Variants in LRRC4C observed in about 807,000 individuals in gnomAD.
LRRC4C encodes leucine-rich repeat-containing protein 4C.
LRRC4C carries 5 observed loss-of-function variants against 33.6 expected under a neutral mutation model. The ratio of observed to expected loss-of-function variants is 0.15; its 90% CI spans 0.08 to 0.31. LRRC4C has a LOEUF of 0.31. Ranked by LOEUF, LRRC4C falls within the 10% of genes least tolerant of loss-of-function variation. The pLI is 1.00. For missense variants in LRRC4C, 560 were observed against 796.7 expected (o/e 0.70, Z 3.58); for synonymous variants, 329 against 302.0 (o/e 1.09, Z -0.93).
At chr11:41,316,270 A>AAAAAC (rs1555145053) in intron 1 of LRRC4C, among the ~76,000 whole-genome samples, 3 of 150,144 alleles carry the variant, frequency 2.0e-5, no homozygotes, top group African/African-American at 7.3e-5. Flanking sequence ...GGCAAAAAAA[A>AAAAAC]AAAAAAAAAC....
At chr11:40,366,110 A>G (rs1461587214) in intron 3 of LRRC4C, among the ~76,000 whole-genome samples, 1 of 152,090 alleles carries the variant, frequency 6.6e-6, no homozygotes, top group African/African-American at 2.4e-5. Flanking sequence ...TAAAATGAGG[A>G]GACAAAGTTA....
chr11:40,780,680 A>G (rs1950177320), intron 2 of LRRC4C, among the ~76,000 whole-genome samples: 1 of 152,174 alleles, frequency 6.6e-6, no homozygotes, highest in African/African-American at 2.4e-5. Context: ...TGGCATTTAG[A>G]AAGTATCCTT....
intron 1 of LRRC4C, among the ~76,000 whole-genome samples, chr11:41,077,327 A>T (rs1339586145): frequency 6.6e-6 from 1 of 152,172 alleles, no homozygotes; most frequent in African/African-American, 2.4e-5. Flanking sequence ...GAGGTTTTCC[A>T]TGAAGGCTCT....
At chr11:40,899,576 C>G (rs1258740225) in intron 2 of LRRC4C, among the ~76,000 whole-genome samples, 1 of 152,066 alleles carries the variant, frequency 6.6e-6, no homozygotes, top group Non-Finnish European at 1.5e-5. Context: ...GAGCTTTTCC[C>G]AACATAGATT....
intron 4 of LRRC4C, among the ~76,000 whole-genome samples, chr11:40,281,746 A>T (rs1457997522): frequency 3.3e-5 from 5 of 152,336 alleles, no homozygotes; most frequent in African/African-American, 1.2e-4. Flanking sequence ...TTAAAGCATC[A>T]CAAATAAATC....
rs148484774 is a variant in LRRC4C, at chr11:40,723,811, C to T, written c.-406-75533G>A. Among the ~76,000 whole-genome samples the T allele has an allele frequency of 1.4e-4, 22 of 152,106 alleles. No homozygotes were observed. The East Asian group carries it at 2.7e-3, about 19-fold the overall frequency. ...AAACACCCACTTAACAGACAAAGAACGGCAAATAGTATTAAAAAACAGGAC... is the reference window on the plus strand; with the variant it reads ...AAACACCCACTTAACAGACAAAGAATGGCAAATAGTATTAAAAAACAGGAC... On this transcript the variant is annotated intron_variant, in intron 2 of 6. Transcript: ENST00000528697.
At chr11:40,359,253 C>T (rs1019556579) in intron 3 of LRRC4C, among the ~76,000 whole-genome samples, 3 of 152,174 alleles carry the variant, frequency 2.0e-5, no homozygotes, top group Non-Finnish European at 4.4e-5. Flanking sequence ...ATGAATTAGG[C>T]AAGCCAAACA....
At chr11:41,337,673 TA>T (rs564133585) in intron 1 of LRRC4C, among the ~76,000 whole-genome samples, 5 of 152,104 alleles carry the variant, frequency 3.3e-5, no homozygotes, top group African/African-American at 9.6e-5. Context: ...TAACAGAAGC[TA>T]AAATTAAAAA....
At chr11:40,475,227 T>C (rs922435024) in intron 3 of LRRC4C, among the ~76,000 whole-genome samples, 7 of 151,768 alleles carry the variant, frequency 4.6e-5, no homozygotes, top group African/African-American at 1.5e-4. Context: ...TGTAGACTGG[T>C]TAAAAAAATG....
intron 2 of LRRC4C, among the ~76,000 whole-genome samples, chr11:40,736,580 A>T (rs1325789438): frequency 6.6e-6 from 1 of 152,170 alleles, no homozygotes; most frequent in Non-Finnish European, 1.5e-5. Context: ...ATCCTTGAGG[A>T]ATCACCACAC....
intron 1 of LRRC4C, among the ~76,000 whole-genome samples, chr11:41,345,700 G>A (rs1278949872): frequency 6.6e-6 from 1 of 152,022 alleles, no homozygotes; most frequent in East Asian, 1.9e-4. Flanking sequence ...CATGACCTAG[G>A]AGTTCCCATC....
chr11:40,132,073 A>G (rs1456886608), intron 6 of LRRC4C, among the ~76,000 whole-genome samples: 1 of 152,210 alleles, frequency 6.6e-6, no homozygotes, highest in Non-Finnish European at 1.5e-5. Flanking sequence ...TCTTAACATC[A>G]TACTCTCAAA....
chr11:40,979,242 A>G (rs767883204), intron 1 of LRRC4C, among the ~76,000 whole-genome samples: 1 of 152,196 alleles, frequency 6.6e-6, no homozygotes, highest in Non-Finnish European at 1.5e-5. Context: ...TTTTTCTACA[A>G]TACTATCAAT....
chr11:40,494,933 C>T (rs530584424), intron 3 of LRRC4C, among the ~76,000 whole-genome samples: 25 of 152,194 alleles, frequency 1.6e-4, no homozygotes, highest in African/African-American at 5.1e-4. Context: ...TAAATTTTTC[C>T]TTCTGTAAAT....
rs142837710 is a variant in LRRC4C at position 40,455,119 on chromosome 11, C to T, written c.-269-135398G>A. ...TCCACACTTGAAAAGAGTAAGTGAG[C>T]GCCAAAATCACACCAGGTGAAAAAT... On this transcript the variant is annotated intron_variant, in intron 3 of 6. Coordinates refer to ENST00000528697, the MANE Select transcript of LRRC4C (RefSeq NM_001258419.2). 2.3e-3 allele frequency among the ~76,000 whole-genome samples: 347 copies of T among 152,186 alleles called. 1 individual carries two copies. The highest frequency in any genetic ancestry group is 2.0e-3 in the Non-Finnish European group (136 of 68,004).
intron 2 of LRRC4C, among the ~76,000 whole-genome samples, chr11:40,701,114 TG>T (rs1945845080): frequency 6.6e-6 from 1 of 152,164 alleles, no homozygotes; most frequent in African/African-American, 2.4e-5. Flanking sequence ...CTTGTCCCTG[TG>T]GTAAATGTAA....
In LRRC4C at chr11:41,207,865, T is replaced by A. The variant is rs529229922; in HGVS notation, c.-496+251566A>T. On this transcript the variant is annotated intron_variant, in intron 1 of 6. Transcript: ENST00000528697. ...TAGATTTTAGTACTGTGAAGTGGGG[T>A]GCTGATTTAACAAATACCCAAAAGT... is the stretch of plus-strand genomic sequence containing the variant. Among the ~76,000 whole-genome samples, 3 of 152,220 alleles carry A rather than the reference T, an allele frequency of 2.0e-5. No individual in the cohort carries two copies. In the South Asian group the frequency reaches 6.2e-4, roughly 32 times the overall value.
chr11:40,382,327 G>C (rs925948682), intron 3 of LRRC4C, among the ~76,000 whole-genome samples: 3 of 151,334 alleles, frequency 2.0e-5, no homozygotes, highest in Admixed American at 2.0e-4. Flanking sequence ...ATTTAAAATT[G>C]TAATTATTGA....
intron 1 of LRRC4C, among the ~76,000 whole-genome samples, chr11:41,077,775 A>G (rs926805361): frequency 1.3e-5 from 2 of 152,214 alleles, no homozygotes; most frequent in Non-Finnish European, 2.9e-5. Context: ...TCTTCTCCAG[A>G]AAATGGGTTT....
Sources: allele counts gnomAD v4.1 joint callset (sites outside exome capture counted in the v4.1 genomes callset), GRCh38; gene constraint gnomAD v4.1.1; transcripts MANE v1.5; gene names NCBI Gene and HGNC (gene_info 2026-07-23, HGNC 2026-07-21).